Variants in NHERF2 observed in about 807,000 individuals in gnomAD.
NHERF2 encodes the protein NHERF family PDZ scaffold protein 2, also known as Na(+)/H(+) exchange regulatory cofactor NHE-RF2.
chr16:2,029,901 G>A, the NHERF2 span: 1 of 870,990 alleles, frequency 1.1e-6, no homozygotes, highest in Non-Finnish European at 1.8e-6. Flanking sequence ...TGCCTTTTGG[G>A]GCTCCTTTTC....
the NHERF2 span, chr16:2,037,791 C>T: frequency 2.6e-6 from 4 of 1,559,104 alleles, no homozygotes; most frequent in Admixed American, 1.9e-5. Flanking sequence ...GACTAGGGCT[C>T]ACTCCAGACA....
the NHERF2 span, chr16:2,037,018 A>T: frequency 2.6e-6 from 4 of 1,549,198 alleles, no homozygotes; most frequent in Non-Finnish European, 3.5e-6. Flanking sequence ...TGGGGTGCCC[A>T]TGAGACACAG....
chr16:2,031,502 A>ACTTTATCTGGAGGGTGCG, the NHERF2 span, among the ~76,000 whole-genome samples: 1 of 152,024 alleles, frequency 6.6e-6, no homozygotes, highest in Non-Finnish European at 1.5e-5. Flanking sequence ...TGGAGGGTGC[A>ACTTTATCTGGAGGGTGCG]GTGGCCCAGG....
At chr16:2,029,795 T>A in the NHERF2 span, 1 of 1,547,884 alleles carries the variant, frequency 6.5e-7, no homozygotes. Context: ...ATGGCGGGCT[T>A]GGCCCACAGG....
the NHERF2 span, chr16:2,033,045 G>C: frequency 7.9e-7 from 1 of 1,272,700 alleles, no homozygotes; most frequent in Non-Finnish European, 1.0e-6. Context: ...TTCTGGGGCC[G>C]GGACTCCTCC....
chr16:2,038,361 G>T, the NHERF2 span: 2 of 453,820 alleles, frequency 4.4e-6, no homozygotes, highest in African/African-American at 2.0e-5. Flanking sequence ...TTTCCAAAAA[G>T]ATCTCCAGCT....
the NHERF2 span, among the ~76,000 whole-genome samples, chr16:2,028,779 C>A: frequency 6.6e-6 from 1 of 152,208 alleles, no homozygotes; most frequent in African/African-American, 2.4e-5. Context: ...TGCCCCTCTT[C>A]CTGCCCACTT....
At chr16:2,038,612 G>T in the NHERF2 span, 2 of 291,230 alleles carry the variant, frequency 6.9e-6, no homozygotes. Context: ...GAGGCCTGAT[G>T]TGGCCGTAGG....
At chr16:2,029,660 C>T in the NHERF2 span, 17 of 1,567,940 alleles carry the variant, frequency 1.1e-5, no homozygotes, top group African/African-American at 6.8e-5. Flanking sequence ...GGAGCTCCGC[C>T]GGCGGCAGCT....
At chr16:2,037,092 G>A in the NHERF2 span, 4 of 1,423,772 alleles carry the variant, frequency 2.8e-6, no homozygotes, top group Middle Eastern at 4.8e-4. Flanking sequence ...CGTCCTCGAG[G>A]TGTGCTAGTG....
chr16:2,038,634 C>T, the NHERF2 span: 1 of 279,506 alleles, frequency 3.6e-6, no homozygotes, highest in South Asian at 3.1e-5. Flanking sequence ...GCTGCCCCTG[C>T]CCACCTGCCC....
At chr16:2,027,296 G>T in the NHERF2 span, 1 of 823,674 alleles carries the variant, frequency 1.2e-6, no homozygotes, top group East Asian at 3.6e-5. Context: ...GGTCGCACGG[G>T]GGCCCGAGGG....
At chr16:2,030,044 C>T in the NHERF2 span, among the ~76,000 whole-genome samples, 574 of 152,318 alleles carry the variant, frequency 3.8e-3, 1 homozygote, top group Admixed American at 6.0e-3. Context: ...CTTGCCCTAT[C>T]GAGGGGTCAC....
chr16:2,036,225 G>A, the NHERF2 span: 5 of 1,257,254 alleles, frequency 4.0e-6, no homozygotes, highest in Middle Eastern at 2.2e-4. Flanking sequence ...CCCGTGGGGG[G>A]CACGGTACCG....
At chr16:2,033,052 C>T in the NHERF2 span, 23 of 1,289,362 alleles carry the variant, frequency 1.8e-5, 1 homozygote, top group Admixed American at 7.7e-4. Flanking sequence ...GCCGGGACTC[C>T]TCCCTGTCCC....
the NHERF2 span, among the ~76,000 whole-genome samples, chr16:2,037,380 C>T: frequency 1.5e-4 from 23 of 152,100 alleles, no homozygotes; most frequent in Non-Finnish European, 3.1e-4. Flanking sequence ...GCCAGGCGCC[C>T]GGTGCCTGCC....
At chr16:2,027,654 G>A in the NHERF2 span, among the ~76,000 whole-genome samples, 3 of 152,350 alleles carry the variant, frequency 2.0e-5, 1 homozygote, top group South Asian at 6.2e-4. Context: ...TGCGTACCCA[G>A]GAGGGGTCGC....
the NHERF2 span, chr16:2,033,103 G>GCTTC: frequency 1.0e-6 from 1 of 985,388 alleles, no homozygotes; most frequent in Non-Finnish European, 1.2e-6. Flanking sequence ...CCTTCCAGCA[G>GCTTC]CTTCCTTCCT....
chr16:2,029,354 T>G, the NHERF2 span, among the ~76,000 whole-genome samples: 1 of 146,722 alleles, frequency 6.8e-6, no homozygotes, highest in Non-Finnish European at 1.5e-5. Flanking sequence ...GGGAGCACCC[T>G]GAAGCCCTCA....
Sources: allele counts gnomAD v4.1 joint callset (sites outside exome capture counted in the v4.1 genomes callset), GRCh38; gene constraint gnomAD v4.1.1; transcripts MANE v1.5; gene names NCBI Gene and HGNC (gene_info 2026-07-23, HGNC 2026-07-21).